Variants in RTL9 observed in about 807,000 individuals in gnomAD.
RTL9 encodes the protein retrotransposon Gag like 9.
In RTL9, 19 loss-of-function variants were observed where a neutral mutation model predicts 44.7. The observed-to-expected ratio is 0.42, with a 90% CI of 0.30 to 0.62. RTL9 has a LOEUF of 0.62. Among genes scored for constraint, RTL9 ranks in the 20% least tolerant of loss-of-function variants. The pLI is 0.16. For missense variants in RTL9, 1,105 were observed against 1,080.6 expected (o/e 1.02, Z -0.32); for synonymous variants, 407 against 398.9 (o/e 1.02, Z -0.24).
chrX:110,424,396 AG>A (rs1428384153), intron 1 of RTL9, among the ~76,000 whole-genome samples: 1 of 111,624 alleles, frequency 9.0e-6, no homozygotes, highest in Non-Finnish European at 1.9e-5. Flanking sequence ...CAGCACTCCT[AG>A]GTGCTTTGAA....
At chrX:110,391,153 C>G (rs2068491195) in intron 1 of RTL9, among the ~76,000 whole-genome samples, 1 of 111,737 alleles carries the variant, frequency 8.9e-6, no homozygotes, top group Non-Finnish European at 1.9e-5. Context: ...TTCAGCTTGT[C>G]TACTGAGCTT....
intron 1 of RTL9, among the ~76,000 whole-genome samples, chrX:110,422,442 C>T (rs144552318): frequency 1.8e-3 from 208 of 112,654 alleles, no homozygotes; most frequent in African/African-American, 5.9e-3. Context: ...GGGCCAGATA[C>T]GAGACCAGGA....
At chrX:110,444,479 C>G (rs1213935464) in intron 1 of RTL9, among the ~76,000 whole-genome samples, 1 of 112,495 alleles carries the variant, frequency 8.9e-6, no homozygotes, top group Non-Finnish European at 1.9e-5. Context: ...AATGAGAAAG[C>G]CTGAGGACTA....
chrX:110,377,374 G>A (rs929628894), intron 1 of RTL9, among the ~76,000 whole-genome samples: 2 of 111,827 alleles, frequency 1.8e-5, no homozygotes, highest in African/African-American at 6.5e-5. Context: ...GATACCTACA[G>A]TCTTCCAGGA....
At chrX:110,364,916 T>A (rs2068287254) in intron 1 of RTL9, among the ~76,000 whole-genome samples, 1 of 112,159 alleles carries the variant, frequency 8.9e-6, no homozygotes, top group Admixed American at 9.5e-5. Flanking sequence ...GAGCCTCAGC[T>A]CCCTGCATCA....
At chrX:110,409,034 C>T (rs766013310) in intron 1 of RTL9, among the ~76,000 whole-genome samples, 15 of 111,582 alleles carry the variant, frequency 1.3e-4, no homozygotes, top group Non-Finnish European at 3.8e-5. Flanking sequence ...CTGATGGCTT[C>T]GTGAGGGCCA....
chrX:110,375,983 A>C (rs2148268269), intron 1 of RTL9, among the ~76,000 whole-genome samples: 1 of 111,323 alleles, frequency 9.0e-6, no homozygotes. Context: ...GTCTGTCCTT[A>C]AAAAAATAGA....
intron 1 of RTL9, among the ~76,000 whole-genome samples, chrX:110,438,864 T>C (rs2068858640): frequency 8.9e-6 from 1 of 112,313 alleles, no homozygotes; most frequent in South Asian, 3.8e-4. Flanking sequence ...TCTATTGTGC[T>C]CTGTGGAAAT....
rs753975282 is a variant in RTL9 at position 110,413,140 on chromosome X, C to T, written c.-167-32013C>T. The stretch of plus-strand genomic sequence containing the variant: ...TCCCATCCCTGCCACCCCGACTCAT[C>T]CACCTCCCCACTACCGCCCTCTCTC... On this transcript the variant is annotated intron_variant, in intron 1 of 2. Transcript: ENST00000520821. 1.3e-4 allele frequency among the ~76,000 whole-genome samples: 14 copies of T among 111,084 alleles called. No homozygotes were observed. The South Asian group carries it at 4.7e-3, about 37-fold the overall frequency.
intron 1 of RTL9, among the ~76,000 whole-genome samples, chrX:110,396,566 C>A (rs889524617): frequency 2.7e-5 from 3 of 112,182 alleles, no homozygotes; most frequent in East Asian, 5.5e-4. Flanking sequence ...TGCTCTTGCA[C>A]CTCCTCAGAG....
chrX:110,401,576 G>C lies in RTL9; in HGVS notation c.-168+42660G>C, dbSNP rs543236033. On this transcript the variant is annotated intron_variant, in intron 1 of 2. Coordinates refer to the RTL9 transcript ENST00000520821. ...ACGGGAGGCATGTAGGTGTTTCTGT[G>C]TTGTGGTAAGGGGAAGGGGTTGTCT... 1.9e-4 allele frequency among the ~76,000 whole-genome samples: 21 copies of C among 111,825 alleles called. No homozygotes were observed. In the South Asian group the frequency reaches 7.6e-3, roughly 41 times the overall value.
chrX:110,414,295 T>C (rs139914114), upstream of RTL9, among the ~76,000 whole-genome samples: 239 of 112,452 alleles, frequency 2.1e-3, 1 homozygote, highest in African/African-American at 7.1e-3. Flanking sequence ...GTCCTGACAA[T>C]AGCACTTGCA....
chrX:110,371,261 A>G (rs2068336687), intron 1 of RTL9, among the ~76,000 whole-genome samples: 2 of 109,849 alleles, frequency 1.8e-5, no homozygotes, highest in African/African-American at 6.6e-5. Context: ...ACATATTTTT[A>G]GTTATTGTGG....
At chrX:110,366,940 T>C (rs953008249) in intron 1 of RTL9, among the ~76,000 whole-genome samples, 2 of 111,650 alleles carry the variant, frequency 1.8e-5, no homozygotes, top group Non-Finnish European at 3.8e-5. Flanking sequence ...CACTTGTTTC[T>C]ACATTTTCCC....
intron 1 of RTL9, among the ~76,000 whole-genome samples, chrX:110,399,749 A>G (rs1006044627): frequency 1.8e-5 from 2 of 112,177 alleles, no homozygotes; most frequent in African/African-American, 6.5e-5. Context: ...CCATGCTAGC[A>G]TAAGACTATA....
At chrX:110,376,004 A>G (rs1186922332) in intron 1 of RTL9, among the ~76,000 whole-genome samples, 1 of 111,618 alleles carries the variant, frequency 9.0e-6, no homozygotes, top group Non-Finnish European at 1.9e-5. Context: ...ACACCCTTCA[A>G]AGAAGGTAGT....
upstream of RTL9, among the ~76,000 whole-genome samples, chrX:110,446,416 G>T (rs2068908429): frequency 9.0e-6 from 1 of 110,848 alleles, no homozygotes. Flanking sequence ...GCTTGGGTCG[G>T]GGGGTGGATG....
intron 1 of RTL9, among the ~76,000 whole-genome samples, chrX:110,361,085 C>T (rs1185046215): frequency 9.0e-6 from 1 of 110,629 alleles, no homozygotes; most frequent in Non-Finnish European, 1.9e-5. Context: ...TCCAACTTAC[C>T]ATGTTCAAAA....
chrX:110,438,312 TG>T (rs916626713), intron 1 of RTL9, among the ~76,000 whole-genome samples: 4 of 111,596 alleles, frequency 3.6e-5, no homozygotes, highest in African/African-American at 1.3e-4. Context: ...TGGGAGCGGA[TG>T]GAGAGATTGG....
Sources: gnomAD v4.1 joint callset for allele counts (sites outside exome capture counted in the v4.1 genomes callset) on GRCh38, gnomAD v4.1.1 for gene constraint, MANE v1.5 for transcripts, NCBI Gene and HGNC (gene_info 2026-07-23, HGNC 2026-07-21) for gene names.